PPFIA4: variants seen among roughly 807,000 people sequenced by gnomAD.
PPFIA4 encodes PPFI scaffold protein A4.
PPFIA4 carries 98 observed loss-of-function variants against 145.7 expected under a neutral mutation model. That is an observed-to-expected ratio of 0.67 (90% CI 0.57 to 0.80). The LOEUF (loss-of-function observed/expected upper bound fraction) is 0.80. Among genes scored for constraint, PPFIA4 ranks in the 30% least tolerant of loss-of-function variants. PPFIA4 has a pLI of 0.00. For synonymous variants in PPFIA4, 628 were observed against 649.6 expected, an observed-to-expected ratio of 0.97 and a Z score of 0.51; for missense variants, 1,457 against 1,632.7, an observed-to-expected ratio of 0.89 and a Z score of 1.85.
intron 13 of PPFIA4, chr1:203,051,517 C>A: frequency 1.4e-6 from 1 of 691,392 alleles, no homozygotes. Context: ...ATTAGAAGAT[C>A]CTTCTTATGC....
In PPFIA4 at chr1:203,060,243, T is replaced by C. The variant is rs1467191302; in HGVS notation, c.2610T>C (p.Tyr870=). The C allele has an allele frequency of 1.2e-6, 2 of 1,614,094 alleles. No individual in the cohort carries two copies. Among genetic ancestry groups the C allele is most frequent in the Non-Finnish European group, 8.5e-7 (1 of 1,179,966 alleles). The change falls in exon 22 of 30, where the codon TAT becomes TAC. Residue 870 remains tyrosine, a synonymous_variant. Transcript: ENST00000295706. This position sits in a 1 kb window ranked among gnomAD's most constrained non-coding sequence, Gnocchi z 4.8. ...TCTGGGTGGGGATGCCTGCCTGGTATGTGGCAGCCTGCCGGGCCAACGTCA... is the reference window on the plus strand; with the variant it reads ...TCTGGGTGGGGATGCCTGCCTGGTACGTGGCAGCCTGCCGGGCCAACGTCA... ...LELWVGMPAW[Y]VAACRANVKS...
chr1:203,065,395 C>T (rs1392266350), intron 25 of PPFIA4, among the ~76,000 whole-genome samples: 3 of 152,106 alleles, frequency 2.0e-5, no homozygotes, highest in Non-Finnish European at 2.9e-5. Flanking sequence ...TGCACCTGTC[C>T]CCTACTCAGT....
chr1:203,054,205 T>C, intron 15 of PPFIA4: 1 of 674,362 alleles, frequency 1.5e-6, no homozygotes, highest in Admixed American at 2.1e-5. Context: ...CTCAGGAGGA[T>C]GCATGCTGTG....
At chr1:203,046,633 T>C in intron 9 of PPFIA4, 1 of 355,726 alleles carries the variant, frequency 2.8e-6, no homozygotes. Context: ...GAGAAGAAGC[T>C]ATGTTGATGC....
Position 203,039,018 on chromosome 1 carries a change from G to T in PPFIA4, c.10G>T (p.Val4Leu), listed in dbSNP as rs372361307. 1 of 1,540,572 alleles carries T rather than the reference G, an allele frequency of 6.5e-7. No individual in the cohort carries two copies. Among genetic ancestry groups the T allele is most frequent in the East Asian group, 2.3e-5 (1 of 42,860 alleles). MCE[V>L]MPTINEGDRL... The stretch of plus-strand genomic sequence containing the variant: ...CCTGCCAACCCCCACCATGTGTGAG[G>T]TGATGCCCACAATCAATGAGGGGGA... The change falls in exon 2 of 30, where the codon GTG becomes TTG. Residue 4 changes from valine (V) to leucine (L), a missense_variant. By Grantham distance (32) the Val-to-Leu change is conservative. Around this residue, in one of 3 missense-constraint regions of PPFIA4, gnomAD observed 463 missense variants for 459.8 expected, o/e 1.01. Transcript: ENST00000295706.
In PPFIA4 at chr1:203,035,155, T is replaced by C. The variant is rs1571660279; in HGVS notation, c.-399-3455T>C. ...CTCCTCTCACCTCCAGCTGGGTGGGTGTCCGACCCTCCTGTTTTCCCTCGT... is the reference window on the plus strand; with the variant it reads ...CTCCTCTCACCTCCAGCTGGGTGGGCGTCCGACCCTCCTGTTTTCCCTCGT... On this transcript the variant is annotated intron_variant, in intron 1 of 29. Transcript: ENST00000295706. 5 of 380,556 alleles carry C rather than the reference T, an allele frequency of 1.3e-5. No homozygotes were observed. The East Asian group carries it at 3.0e-4, about 23-fold the overall frequency. The allele number at this position is 380,556 out of a possible 1,614,324, so 23.6% of individuals were successfully genotyped here.
At chr1:203,065,649 G>A (rs957596861) in intron 25 of PPFIA4, among the ~76,000 whole-genome samples, 1 of 152,188 alleles carries the variant, frequency 6.6e-6, no homozygotes, top group African/African-American at 2.4e-5. Flanking sequence ...GTGTCTACCT[G>A]CTTTTATTCC....
Position 203,048,350 on chromosome 1 carries a change from C to G in PPFIA4, c.1224+40C>G, listed in dbSNP as rs769103952. ...CCGGGCCCTCAGGCCCCCTCCTTCC[C>G]GCAGGACAGGCTCCCAGGGCGGTCT... On this transcript the variant is annotated intron_variant, in intron 10 of 29. Transcript: ENST00000295706. This position sits in a 1 kb window ranked among gnomAD's most constrained non-coding sequence, Gnocchi z 5.8. The G allele has an allele frequency of 4.4e-6, 7 of 1,596,218 alleles. No individual in the cohort carries two copies. The highest frequency in any genetic ancestry group is 5.1e-6 in the Non-Finnish European group (6 of 1,170,528).
At chr1:203,056,018 C>A in intron 16 of PPFIA4, 102 bp from the exon 17 acceptor site, 1 of 1,225,200 alleles carries the variant, frequency 8.2e-7, no homozygotes, top group Non-Finnish European at 1.2e-6. Context: ...GTGTGAGGCA[C>A]TGAATCCTAT....
At position 203,043,302 on chromosome 1, in the gene PPFIA4, G is replaced by C; in HGVS notation, c.235-95G>C. On this transcript the variant is annotated intron_variant, in intron 2 of 29. Transcript: ENST00000295706. This position sits in a 1 kb window ranked among gnomAD's most constrained non-coding sequence, Gnocchi z 4.4. ...TTTGTGGGGGAGGTGGTGGAAGTAAGGGATGGGTGAGAGGATCCCACCACT... is the reference window on the plus strand; with the variant it reads ...TTTGTGGGGGAGGTGGTGGAAGTAACGGATGGGTGAGAGGATCCCACCACT... 8.4e-6 allele frequency: 9 copies of C among 1,070,380 alleles called. No homozygotes were observed. Among genetic ancestry groups the C allele is most frequent in the Non-Finnish European group, 1.3e-5 (9 of 719,128 alleles). 66.3% of individuals were successfully genotyped at this position (1,070,380 alleles called of 1,614,324 possible).
chr1:203,046,286 G>C lies in PPFIA4; in HGVS notation c.1044G>C (p.Glu348Asp), dbSNP rs1048245999. 5.6e-6 allele frequency: 9 copies of C among 1,596,828 alleles called. No individual in the cohort carries two copies. Among genetic ancestry groups the C allele is most frequent in the African/African-American group, 1.3e-5 (1 of 74,610 alleles). Residue 348 changes from glutamate to aspartate, a missense_variant, in exon 9 of 30, where the codon GAG (glutamate) becomes GAC (aspartate). Physicochemically the swap from Glu to Asp is conservative, Grantham distance 45. Around this residue, in one of 3 missense-constraint regions of PPFIA4, gnomAD observed 848 missense variants for 1,046.7 expected, o/e 0.81. Coordinates refer to ENST00000295706, the MANE Select transcript of PPFIA4 (RefSeq NM_001304331.2). ...EKARHLQELLEVAEQKLQQTM... is the reference protein window; with the variant it reads ...EKARHLQELLDVAEQKLQQTM... ...CCCGACACCTGCAGGAGCTGCTGGAGGTGGCAGAGCAGAAGCTGCAGCAGA... is the reference window on the plus strand; with the variant it reads ...CCCGACACCTGCAGGAGCTGCTGGACGTGGCAGAGCAGAAGCTGCAGCAGA...
At position 203,044,010 on chromosome 1, in the gene PPFIA4, A is replaced by G; in HGVS notation, c.416A>G (p.Gln139Arg). The G allele has an allele frequency of 6.2e-7, 1 of 1,612,614 alleles. No individual in the cohort carries two copies. The highest frequency in any genetic ancestry group is 8.5e-7 in the Non-Finnish European group (1 of 1,179,738). ...ATGACTGTGGTGAAGCGCCAGGCCC[A>G]GTCACCTTCGGGGGTCTCCAGTGAG... ...LRMTVVKRQA[Q>R]SPSGVSSEVE... The change falls in exon 4 of 30, where the codon CAG becomes CGG. Residue 139 changes from glutamine (Q) to arginine (R), a missense_variant. Physicochemically the swap from Gln to Arg is conservative, Grantham distance 43. This residue lies in a region of PPFIA4 where 463 missense variants were observed against 459.8 expected (regional missense o/e 1.01). Transcript: ENST00000295706.
At chr1:203,036,190 AG>A (rs1477734036) in intron 1 of PPFIA4, among the ~76,000 whole-genome samples, 1 of 152,196 alleles carries the variant, frequency 6.6e-6, no homozygotes, top group African/African-American at 2.4e-5. Context: ...GTGCAATCAC[AG>A]GGTGCTTTCT....
intron 28 of PPFIA4, among the ~76,000 whole-genome samples, chr1:203,072,048 T>C (rs1662209908): frequency 6.6e-6 from 1 of 152,204 alleles, no homozygotes; most frequent in Non-Finnish European, 1.5e-5. Flanking sequence ...CCCGCCTTCC[T>C]ATCCACATAG....
chr1:203,043,183 A>G lies in PPFIA4; in HGVS notation c.235-214A>G, dbSNP rs1439970613. On this transcript the variant is annotated intron_variant, in intron 2 of 29. Coordinates refer to ENST00000295706, the MANE Select transcript of PPFIA4 (RefSeq NM_001304331.2). The surrounding 1 kb of genome is among the most constrained non-coding windows in gnomAD (Gnocchi z 4.4). The stretch of plus-strand genomic sequence containing the variant: ...ACTCTGTTCCCTTGGATTCTAACAC[A>G]TGGAATGCATGGAGGACCCAGAGAT... Among the ~76,000 whole-genome samples the G allele has an allele frequency of 6.6e-6, 1 of 152,196 alleles. No homozygotes were observed. The highest frequency in any genetic ancestry group is 1.5e-5 in the Non-Finnish European group (1 of 68,044).
rs1662436899 is a variant in PPFIA4, at chr1:203,075,238, G to GA, written c.3394-336dup. ...ATGGGCTGAGGCAGAGGAATGCCTT[G>GA]AAAGGTGAATGGTCATGCCAAGCCT... On this transcript the variant is annotated intron_variant, in intron 28 of 29. Transcript: ENST00000295706. This position sits in a 1 kb window ranked among gnomAD's most constrained non-coding sequence, Gnocchi z 4.1. 6.6e-6 allele frequency among the ~76,000 whole-genome samples: 1 copy of GA among 152,090 alleles called. No individual in the cohort carries two copies. The highest frequency in any genetic ancestry group is 2.1e-4 in the South Asian group (1 of 4,824).
Position 203,026,558 on chromosome 1 carries a change from G to T in PPFIA4, c.-471G>T, listed in dbSNP as rs1422434383. The T allele has an allele frequency of 2.0e-5, 3 of 152,268 alleles. No individual in the cohort carries two copies. Among genetic ancestry groups the T allele is most frequent in the African/African-American group, 7.2e-5 (3 of 41,468 alleles). The allele number at this position is 152,268 out of a possible 1,614,324, so 9.4% of individuals were successfully genotyped here. On this transcript the variant is annotated 5_prime_UTR_variant, in exon 1 of 30. Transcript: ENST00000295706. ...GCCGGCTCGGCTCTAGGACGTGTCGGGCTGCACGGGTCGGGGGCGGCTCCC... is the reference window on the plus strand; with the variant it reads ...GCCGGCTCGGCTCTAGGACGTGTCGTGCTGCACGGGTCGGGGGCGGCTCCC...
chr1:203,056,035 A>C lies in PPFIA4; in HGVS notation c.2071-85A>C. 2.2e-6 allele frequency: 3 copies of C among 1,388,480 alleles called. No individual in the cohort carries two copies. The South Asian group carries it at 3.7e-5, about 17-fold the overall frequency. The allele number at this position is 1,388,480 out of a possible 1,614,324, so 86.0% of individuals were successfully genotyped here. ...GTGAGGCACTGAATCCTATCTTCTC[A>C]TCCTAAGACCACTGGGCTCCCCTGG... is the stretch of plus-strand genomic sequence containing the variant. On this transcript the variant is annotated intron_variant, in intron 16 of 29. Transcript: ENST00000295706.
In PPFIA4 at chr1:203,060,778, C is replaced by G. The variant is rs1353175825; in HGVS notation, c.2785-192C>G. ...TGTGAATATTGTCTTGGTCCTCTAA[C>G]ACAAGAATGCGGACTGCTCTGTGGG... On this transcript the variant is annotated intron_variant, in intron 22 of 29. Transcript: ENST00000295706. This position sits in a 1 kb window ranked among gnomAD's most constrained non-coding sequence, Gnocchi z 4.8. Among the ~76,000 whole-genome samples the G allele has an allele frequency of 2.0e-5, 3 of 152,206 alleles. No homozygotes were observed. The highest frequency in any genetic ancestry group is 6.5e-5 in the Admixed American group (1 of 15,284).
Sources: allele counts gnomAD v4.1 joint callset (sites outside exome capture counted in the v4.1 genomes callset), GRCh38; gene constraint gnomAD v4.1.1; regional missense constraint gnomAD v4.1.1; non-coding constraint Gnocchi (gnomAD v3.1); transcripts MANE v1.5; gene names NCBI Gene and HGNC (gene_info 2026-07-23, HGNC 2026-07-21).